The following HECW2 variants were observed in gnomAD, a reference collection of about 807,000 sequenced individuals.
HECW2 encodes the protein HECT, C2 and WW domain containing E3 ubiquitin protein ligase 2, also known as E3 ubiquitin-protein ligase HECW2.
In HECW2, 61 loss-of-function variants were observed where a neutral mutation model predicts 175.2. The ratio of observed to expected loss-of-function variants is 0.35; its 90% CI spans 0.28 to 0.43. The LOEUF is 0.43. HECW2 is among the 20% of genes least tolerant of loss of function. The pLI is 1.00. For missense variants in HECW2, 1,524 were observed against 2,000.5 expected, an observed-to-expected ratio of 0.76 and a Z score of 4.54; for synonymous variants, 671 against 731.0, an observed-to-expected ratio of 0.92 and a Z score of 1.32.
chr2:196,220,091 G>A lies in HECW2; in HGVS notation c.4356C>T (p.Gly1452=). Residue 1452 remains glycine, a synonymous_variant, in exon 26 of 29, where the codon GGC becomes GGT. Transcript: ENST00000644978. ...AATCACTTAGGTCTATTTCAGCTGT[G>A]CCTGCGATGACCAATTCCAGTTCTC... The part of the protein sequence containing the change: ...DARELELVIA[G]TAEIDLSDWR... The A allele has an allele frequency of 1.2e-6, 2 of 1,613,490 alleles. No individual in the cohort carries two copies. Among genetic ancestry groups the A allele is most frequent in the Non-Finnish European group, 8.5e-7 (1 of 1,179,718 alleles).
intron 1 of HECW2, among the ~76,000 whole-genome samples, chr2:196,478,506 C>T (rs1255140500): frequency 3.9e-5 from 6 of 152,006 alleles, no homozygotes; most frequent in Non-Finnish European, 8.8e-5. Flanking sequence ...TTACTTATAC[C>T]CAACAAACTG....
At chr2:196,341,119 T>C (rs73051626) in intron 3 of HECW2, among the ~76,000 whole-genome samples, 38,716 of 151,898 alleles carry the variant, frequency 0.25, 6,234 homozygotes, top group African/African-American at 0.46. Flanking sequence ...TCAATCACAG[T>C]AAAGGGGATA....
intron 1 of HECW2, among the ~76,000 whole-genome samples, chr2:196,494,676 T>C (rs1387759284): frequency 1.3e-5 from 2 of 152,202 alleles, no homozygotes; most frequent in African/African-American, 4.8e-5. Context: ...AAAAACTGAA[T>C]ATATGAAATC....
intron 21 of HECW2, among the ~76,000 whole-genome samples, chr2:196,234,642 A>T (rs1377616227): frequency 6.6e-6 from 1 of 152,156 alleles, no homozygotes; most frequent in Non-Finnish European, 1.5e-5. Flanking sequence ...AGGACTTTTA[A>T]TTCAAAAGAA....
chr2:196,453,972 G>A lies in HECW2; in HGVS notation c.-35-20514C>T, dbSNP rs149361661. 3.6e-3 allele frequency among the ~76,000 whole-genome samples: 553 copies of A among 152,172 alleles called. 5 individuals carry two copies. Among genetic ancestry groups the A allele is most frequent in the African/African-American group, 0.012 (513 of 41,530 alleles). Reference sequence around the variant, plus strand: ...TTTTACCACAAAATAATAAGAGTTGGGGGAACAGAAAAAAGAAATACTTCT... The same window carrying A: ...TTTTACCACAAAATAATAAGAGTTGAGGGAACAGAAAAAAGAAATACTTCT... On this transcript the variant is annotated intron_variant, in intron 1 of 28. Transcript: ENST00000644978.
At chr2:196,277,702 A>C (rs942314806) in intron 15 of HECW2, among the ~76,000 whole-genome samples, 5 of 152,118 alleles carry the variant, frequency 3.3e-5, no homozygotes, top group African/African-American at 1.2e-4. Context: ...CACTACTCAC[A>C]ATAGCAAAGA....
chr2:196,560,181 T>C (rs1689947658), intron 1 of HECW2, among the ~76,000 whole-genome samples: 1 of 152,162 alleles, frequency 6.6e-6, no homozygotes, highest in African/African-American at 2.4e-5. Flanking sequence ...GTCTCACTCT[T>C]GTTGCCCAGG....
chr2:196,469,350 G>A (rs993700368), intron 1 of HECW2, among the ~76,000 whole-genome samples: 3 of 151,914 alleles, frequency 2.0e-5, no homozygotes, highest in African/African-American at 7.3e-5. Context: ...TTAAAAATGG[G>A]GACAACTGTC....
intron 9 of HECW2, among the ~76,000 whole-genome samples, chr2:196,318,091 T>C (rs1691771131): frequency 6.6e-6 from 1 of 152,202 alleles, no homozygotes; most frequent in African/African-American, 2.4e-5. Context: ...CAGATTACAC[T>C]AAGGTTGAAG....
intron 2 of HECW2, among the ~76,000 whole-genome samples, chr2:196,370,032 C>T (rs191650919): frequency 4.6e-5 from 7 of 151,994 alleles, no homozygotes; most frequent in Admixed American, 2.0e-4. Context: ...CAAGCTGGTA[C>T]CTAAGCAGTA....
rs75189017 is a variant in HECW2, at chr2:196,546,966, T to C, written c.-36+46542A>G. On this transcript the variant is annotated intron_variant, in intron 1 of 28. Coordinates refer to ENST00000644978, the MANE Select transcript of HECW2 (RefSeq NM_001348768.2). ...AGAAGGAAAAGACACAGAAAGAAGC[T>C]GAAGTAAGCATCGGGAAAGTATGAC... 7.2e-3 allele frequency among the ~76,000 whole-genome samples: 1,100 copies of C among 152,160 alleles called. 21 individuals carry two copies. Among genetic ancestry groups the C allele is most frequent in the African/African-American group, 0.025 (1,055 of 41,504 alleles).
chr2:196,549,281 G>A lies in HECW2; in HGVS notation c.-36+44227C>T, dbSNP rs528394317. On this transcript the variant is annotated intron_variant, in intron 1 of 28. Coordinates refer to ENST00000644978, the MANE Select transcript of HECW2 (RefSeq NM_001348768.2). ...TCAGCAGTCTGGGACCCCTGTATGC[G>A]CTTTCCTGGTCACACTCCCCTCCCT... Among the ~76,000 whole-genome samples, 96 of 152,226 alleles carry A rather than the reference G, an allele frequency of 6.3e-4. No homozygotes were observed. In the Middle Eastern group the frequency reaches 0.027, roughly 43 times the overall value.
At chr2:196,566,699 A>ATTTTTTTTTTTTTTTTTTT (rs58391487) in intron 1 of HECW2, among the ~76,000 whole-genome samples, 2 of 94,206 alleles carry the variant, frequency 2.1e-5, no homozygotes, top group Non-Finnish European at 4.0e-5. Flanking sequence ...CACCCAGCTA[A>ATTTTTTTTTTTTTTTTTTT]TTTTTTTTTT....
At chr2:196,552,435 C>A (rs1043006265) in intron 1 of HECW2, among the ~76,000 whole-genome samples, 5 of 152,214 alleles carry the variant, frequency 3.3e-5, no homozygotes, top group Admixed American at 6.5e-5. Flanking sequence ...AATTTCCACA[C>A]AGCCTTTATC....
chr2:196,325,132 G>A lies in HECW2; in HGVS notation c.589C>T (p.Leu197=), dbSNP rs1333299135. 6.3e-7 allele frequency: 1 copy of A among 1,598,684 alleles called. No individual in the cohort carries two copies. The highest frequency in any genetic ancestry group is 8.5e-7 in the Non-Finnish European group (1 of 1,173,936). Residue 197 remains leucine (L), a synonymous_variant, in exon 6 of 29, where the codon CTA becomes TTA. Transcript: ENST00000644978. ...GGATTGAAGAACATCCCTTTCTTTA[G>A]CCCAACTGCCCTAAGATCTTTAAAG... ...FTLSDLRAVG[L]KKGMFFNPDP...
intron 3 of HECW2, among the ~76,000 whole-genome samples, chr2:196,343,138 C>T (rs1204997668): frequency 2.0e-5 from 3 of 151,976 alleles, no homozygotes; most frequent in Non-Finnish European, 4.4e-5. Context: ...TTGATATCCA[C>T]GGGGGATTCG....
intron 1 of HECW2, among the ~76,000 whole-genome samples, chr2:196,499,559 T>C (rs1274471392): frequency 1.3e-5 from 2 of 152,186 alleles, no homozygotes; most frequent in African/African-American, 4.8e-5. Flanking sequence ...AGATGGAGGC[T>C]TAACTTTTTT....
intron 1 of HECW2, among the ~76,000 whole-genome samples, chr2:196,436,137 G>A (rs10208286): frequency 0.95 from 144,011 of 152,238 alleles, 68,236 homozygotes; most frequent in East Asian, 1. Flanking sequence ...CTGGTGGCAC[G>A]CGCCTGTAAT....
rs766142223 is a variant in HECW2 at position 196,292,682 on chromosome 2, G to A, written c.2883C>T (p.Thr961=). Residue 961 remains threonine (T), a synonymous_variant, in exon 14 of 29, where the codon ACC becomes ACT. Transcript: ENST00000644978. The part of the protein sequence containing the change: ...KHMITKVRRD[T]HHFERYQHNR... ...TATGCTGGTAGCGTTCAAAGTGGTGGGTGTCCCTCCGGACTTTGGTGATCA... is the reference window on the plus strand; with the variant it reads ...TATGCTGGTAGCGTTCAAAGTGGTGAGTGTCCCTCCGGACTTTGGTGATCA... 1 of 1,614,080 alleles carries A rather than the reference G, an allele frequency of 6.2e-7. No individual in the cohort carries two copies. The highest frequency in any genetic ancestry group is 8.5e-7 in the Non-Finnish European group (1 of 1,179,954).
Sources: allele counts gnomAD v4.1 joint callset (sites outside exome capture counted in the v4.1 genomes callset), GRCh38; gene constraint gnomAD v4.1.1; transcripts MANE v1.5; gene names NCBI Gene and HGNC (gene_info 2026-07-23, HGNC 2026-07-21).